Variants in GJA1 observed in about 807,000 individuals in gnomAD.
GJA1 encodes gap junction alpha-1 protein.
Under a neutral mutation model 31.0 loss-of-function variants are expected in GJA1, and 9 were observed. The observed-to-expected ratio is 0.29, with a 90% CI of 0.17 to 0.51. The LOEUF (loss-of-function observed/expected upper bound fraction) is 0.51, where lower values mean the gene tolerates loss of function less well. Ranked by LOEUF, GJA1 falls within the 20% of genes least tolerant of loss-of-function variation. The probability of loss-of-function intolerance (pLI) is 0.98; values close to 1 mark genes in which losing one functional copy is unlikely to be tolerated. For missense variants in GJA1, 278 were observed against 468.8 expected, an observed-to-expected ratio of 0.59 and a Z score of 3.76; for synonymous variants, 186 against 180.1, an observed-to-expected ratio of 1.03 and a Z score of -0.26.
chr6:121,445,761 CAA>C (rs1183281036), intron 1 of GJA1, among the ~76,000 whole-genome samples: 3 of 151,980 alleles, frequency 2.0e-5, no homozygotes, highest in East Asian at 1.9e-4. Flanking sequence ...CACATTGTAG[CAA>C]AAGAGTATAT....
intron 1 of GJA1, among the ~76,000 whole-genome samples, chr6:121,437,056 A>G (rs1773677717): frequency 6.6e-6 from 1 of 152,266 alleles, no homozygotes. Context: ...AAAAGCAAAT[A>G]AAAATGAAAG....
At chr6:121,442,021 A>G (rs1398254553) in intron 1 of GJA1, among the ~76,000 whole-genome samples, 12 of 152,232 alleles carry the variant, frequency 7.9e-5, no homozygotes, top group Non-Finnish European at 4.4e-5. Context: ...CAAAAAATCC[A>G]TTAAATGATT....
At chr6:121,435,991 T>C (rs1314482975) in intron 1 of GJA1, among the ~76,000 whole-genome samples, 159 bp downstream of exon 1, 1 of 152,140 alleles carries the variant, frequency 6.6e-6, no homozygotes, top group Admixed American at 6.5e-5. Flanking sequence ...AAAGTTAAAA[T>C]TTATTGTACC....
chr6:121,441,555 T>C (rs1335610094), intron 1 of GJA1, among the ~76,000 whole-genome samples: 1 of 152,120 alleles, frequency 6.6e-6, no homozygotes, highest in Non-Finnish European at 1.5e-5. Flanking sequence ...AATAATAATT[T>C]TTTAAAAACC....
intron 1 of GJA1, 118 bp downstream of exon 1, chr6:121,435,950 TTGA>T (rs751370816): frequency 9.9e-5 from 15 of 152,074 alleles, no homozygotes; most frequent in Non-Finnish European, 1.9e-4. Flanking sequence ...TGTAAATGGA[TTGA>T]TGGATTTGAA....
intron 1 of GJA1, among the ~76,000 whole-genome samples, chr6:121,442,184 CTTTA>C (rs1313242192): frequency 6.6e-6 from 1 of 151,996 alleles, no homozygotes; most frequent in Admixed American, 6.6e-5. Flanking sequence ...TCCTATTTAC[CTTTA>C]TTTAAGTCTC....
At chr6:121,441,465 TAATA>T (rs1773779999) in intron 1 of GJA1, among the ~76,000 whole-genome samples, 1 of 152,034 alleles carries the variant, frequency 6.6e-6, no homozygotes, top group South Asian at 2.1e-4. Context: ...GGAAGACAAA[TAATA>T]AATCCTTCTC....
chr6:121,441,187 C>T (rs1395838600), intron 1 of GJA1, among the ~76,000 whole-genome samples: 1 of 152,094 alleles, frequency 6.6e-6, no homozygotes, highest in Admixed American at 6.6e-5. Context: ...CTCCTAACCT[C>T]GTGATCCGCC....
chr6:121,441,906 T>C lies in GJA1; in HGVS notation c.-16-4926T>C, dbSNP rs192060061. On this transcript the variant is annotated intron_variant, in intron 1 of 1. Transcript: ENST00000282561. ...CATTTACTGGAGGGGCAGAGGTTATTATAAAAGTGAAAGAAAACATTACAA... is the reference window on the plus strand; with the variant it reads ...CATTTACTGGAGGGGCAGAGGTTATCATAAAAGTGAAAGAAAACATTACAA... Among the ~76,000 whole-genome samples the C allele has an allele frequency of 1.7e-3, 266 of 152,278 alleles. 1 individual carries two copies. The highest frequency in any genetic ancestry group is 6.8e-3 in the Middle Eastern group (2 of 294).
chr6:121,448,445 CAG>C lies in GJA1; in HGVS notation c.*452_*453del, dbSNP rs538969867. 72 of 214,942 alleles carry C rather than the reference CAG, an allele frequency of 3.3e-4. 1 individual carries two copies. Among genetic ancestry groups the C allele is most frequent in the Admixed American group, 1.2e-3 (22 of 18,982 alleles). 13.3% of individuals were successfully genotyped at this position (214,942 alleles called of 1,614,324 possible). A position where few individuals can be genotyped will look rare whatever the true frequency, so the allele number is the denominator to read the frequency against. On this transcript the variant is annotated 3_prime_UTR_variant, in exon 2 of 2. Coordinates refer to ENST00000282561, the MANE Select transcript of GJA1 (RefSeq NM_000165.5). ...TTAGGTCTTTTCAACAAGAAAAAGACAGAGGATTGTCCTTAAGTCCCTGCTAA... is the reference window on the plus strand; with the variant it reads ...TTAGGTCTTTTCAACAAGAAAAAGACAGGATTGTCCTTAAGTCCCTGCTAA...
chr6:121,445,436 C>T (rs75464514), intron 1 of GJA1, among the ~76,000 whole-genome samples: 3,766 of 152,246 alleles, frequency 0.025, 201 homozygotes, highest in East Asian at 0.22. Context: ...TAGGCGTGAG[C>T]CACCACGCCT....
At chr6:121,437,887 G>A (rs1030799278) in intron 1 of GJA1, among the ~76,000 whole-genome samples, 5 of 152,130 alleles carry the variant, frequency 3.3e-5, no homozygotes, top group African/African-American at 4.8e-5. Context: ...ATTTGAACTC[G>A]GTGAAAAGTG....
rs1247010472 is a variant in GJA1 at position 121,449,045 on chromosome 6, C to T, written c.*1049C>T. The T allele has an allele frequency of 6.0e-6, 1 of 165,620 alleles. No homozygotes were observed. The highest frequency in any genetic ancestry group is 1.5e-5 in the Non-Finnish European group (1 of 68,088). The allele number at this position is 165,620 out of a possible 1,614,324, so 10.3% of individuals were successfully genotyped here. On this transcript the variant is annotated 3_prime_UTR_variant, in exon 2 of 2. Coordinates refer to ENST00000282561, the MANE Select transcript of GJA1 (RefSeq NM_000165.5). ...CCTAAAATGTTTTTCCCTGTGTATC[C>T]TATTATGGATACTGGTTTTGTTAAT... is the stretch of plus-strand genomic sequence containing the variant.
At position 121,447,944 on chromosome 6, in the gene GJA1, G is replaced by C; in HGVS notation, c.1097G>C (p.Arg366Thr). The C allele has an allele frequency of 6.2e-7, 1 of 1,613,874 alleles. No homozygotes were observed. Among genetic ancestry groups the C allele is most frequent in the South Asian group, 1.1e-5 (1 of 91,064 alleles). The change falls in exon 2 of 2, where the codon AGA (arginine) becomes ACA (threonine). Residue 366 changes from arginine to threonine, a missense_variant. Around this residue, in one of 3 missense-constraint regions of GJA1, gnomAD observed 172 missense variants for 190.9 expected, o/e 0.90. Coordinates refer to ENST00000282561, the MANE Select transcript of GJA1 (RefSeq NM_000165.5). ...ATTGTGGACCAGCGACCTTCAAGCA[G>C]AGCCAGCAGTCGTGCCAGCAGCAGA... The part of the protein sequence containing the change: ...LAIVDQRPSS[R>T]ASSRASSRPR...
At chr6:121,439,725 G>A (rs1220312353) in intron 1 of GJA1, among the ~76,000 whole-genome samples, 1 of 152,062 alleles carries the variant, frequency 6.6e-6, no homozygotes, top group Non-Finnish European at 1.5e-5. Context: ...GTGATGAGGA[G>A]GGGTAAGAGC....
chr6:121,449,576 T>G lies in GJA1; in HGVS notation c.*1580T>G. 6.0e-6 allele frequency: 1 copy of G among 167,078 alleles called. No homozygotes were observed. Among genetic ancestry groups the G allele is most frequent in the Non-Finnish European group, 1.5e-5 (1 of 68,110 alleles). The allele number at this position is 167,078 out of a possible 1,614,324, so 10.3% of individuals were successfully genotyped here. ...ATGCATGTCAGCTACATAAACAGTT[T>G]TGTACAATGAAAATTACTAATTTGT... On this transcript the variant is annotated 3_prime_UTR_variant, in exon 2 of 2. Transcript: ENST00000282561.
intron 1 of GJA1, among the ~76,000 whole-genome samples, chr6:121,439,719 T>C (rs1773732751): frequency 6.6e-6 from 1 of 152,154 alleles, no homozygotes; most frequent in Non-Finnish European, 1.5e-5. Context: ...AGTTCAGTGA[T>C]GAGGAGGGGT....
At chr6:121,436,680 T>TA (rs1773667815) in intron 1 of GJA1, among the ~76,000 whole-genome samples, 1 of 152,112 alleles carries the variant, frequency 6.6e-6, no homozygotes, top group Non-Finnish European at 1.5e-5. Flanking sequence ...AACCGTCTCC[T>TA]AAAACGGGAG....
At chr6:121,438,472 AGGGAAAACACG>A (rs1365600402) in intron 1 of GJA1, among the ~76,000 whole-genome samples, 40 of 152,330 alleles carry the variant, frequency 2.6e-4, no homozygotes, top group Non-Finnish European at 4.6e-4. Context: ...ATAGAGAAGG[AGGGAAAACACG>A]GGGTGCATTC....
Sources: gnomAD v4.1 joint callset for allele counts (sites outside exome capture counted in the v4.1 genomes callset) on GRCh38, gnomAD v4.1.1 for gene constraint, gnomAD v4.1.1 regional missense constraint, MANE v1.5 for transcripts, NCBI Gene and HGNC (gene_info 2026-07-23, HGNC 2026-07-21) for gene names.